Variants in CBFA2T3 observed in about 807,000 individuals in gnomAD.
The protein encoded by CBFA2T3 is transcriptional corepressor CBFA2T3.
CBFA2T3 carries 31 observed loss-of-function variants against 58.6 expected under a neutral mutation model. The ratio of observed to expected loss-of-function variants is 0.53; its 90% CI spans 0.40 to 0.71. The LOEUF (loss-of-function observed/expected upper bound fraction) is 0.71. Among genes scored for constraint, CBFA2T3 ranks in the 30% least tolerant of loss-of-function variants. The probability of loss-of-function intolerance (pLI) is 0.00; values close to 1 mark genes in which losing one functional copy is unlikely to be tolerated. For synonymous variants in CBFA2T3, 531 were observed against 421.9 expected (o/e 1.26, Z -3.17); for missense variants, 1,076 against 963.1 (o/e 1.12, Z -1.55).
rs189102389 is a variant in CBFA2T3 at position 88,881,460 on chromosome 16, C to A, written c.1233G>T (p.Glu411Asp). The A allele has an allele frequency of 7.5e-6, 12 of 1,609,638 alleles. No homozygotes were observed. Among genetic ancestry groups the A allele is most frequent in the Non-Finnish European group, 1.0e-5 (12 of 1,178,284 alleles). Reference protein sequence around the residue: ...NLLNCIMDMVEKTRRSLTVLR... With the variant: ...NLLNCIMDMVDKTRRSLTVLR... ...GCACCGTGAGCGAGCGCCGCGTCTT[C>A]TCCACCATGTCCATGATGCAGTTCA... Residue 411 changes from glutamate to aspartate, a missense_variant, in exon 9 of 12, where the codon GAG (glutamate) becomes GAT (aspartate). Coordinates refer to ENST00000268679, the MANE Select transcript of CBFA2T3 (RefSeq NM_005187.6).
intron 1 of CBFA2T3, among the ~76,000 whole-genome samples, chr16:88,952,079 A>C (rs1972088028): frequency 6.6e-6 from 1 of 152,208 alleles, no homozygotes; most frequent in Non-Finnish European, 1.5e-5. Context: ...TGTGAGATCT[A>C]AGCCGGAAGC....
intron 5 of CBFA2T3, among the ~76,000 whole-genome samples, chr16:88,891,249 C>T (rs1969618796): frequency 6.6e-6 from 1 of 152,178 alleles, no homozygotes; most frequent in African/African-American, 2.4e-5. Flanking sequence ...TCCTCAAGCA[C>T]AGCGGGCGCC....
intron 1 of CBFA2T3, among the ~76,000 whole-genome samples, chr16:88,968,620 G>A (rs972521309): frequency 1.3e-5 from 2 of 152,222 alleles, no homozygotes; most frequent in African/African-American, 4.8e-5. Context: ...TGTTGGAGGG[G>A]CAGAAGCAGC....
At chr16:88,965,524 C>T (rs1461046082) in intron 1 of CBFA2T3, among the ~76,000 whole-genome samples, 2 of 152,240 alleles carry the variant, frequency 1.3e-5, no homozygotes, top group African/African-American at 2.4e-5. Flanking sequence ...GCTTCTACAA[C>T]CCAGGGGGCT....
At chr16:88,957,912 A>G (rs1188819645) in intron 1 of CBFA2T3, 1 of 152,338 alleles carries the variant, frequency 6.6e-6, no homozygotes, top group African/African-American at 2.4e-5. Flanking sequence ...AAAACTTGTT[A>G]GCAATGATGG....
intron 1 of CBFA2T3, among the ~76,000 whole-genome samples, chr16:88,963,651 C>G (rs1972423990): frequency 6.6e-6 from 1 of 152,242 alleles, no homozygotes; most frequent in Admixed American, 6.5e-5. Context: ...TTGGCTCTTT[C>G]ACTTAGTGTG....
intron 1 of CBFA2T3, among the ~76,000 whole-genome samples, chr16:88,932,296 C>A (rs1459320180): frequency 6.6e-6 from 1 of 151,198 alleles, no homozygotes; most frequent in Non-Finnish European, 1.5e-5. Context: ...AGAGCACACA[C>A]TTCCAGGAAA....
chr16:88,911,922 A>C (rs1436965648), intron 1 of CBFA2T3, among the ~76,000 whole-genome samples: 1 of 152,262 alleles, frequency 6.6e-6, no homozygotes, highest in Non-Finnish European at 1.5e-5. Flanking sequence ...TCTGTTGCCC[A>C]GAGTTGGCTG....
intron 1 of CBFA2T3, among the ~76,000 whole-genome samples, chr16:88,970,221 G>A (rs1483322680): frequency 2.6e-5 from 4 of 152,240 alleles, no homozygotes; most frequent in Non-Finnish European, 5.9e-5. Context: ...CAGCCTTGCT[G>A]TGTGATCAGC....
In CBFA2T3 at chr16:88,876,552, G is replaced by C. The variant is rs543066326; in HGVS notation, c.*424C>G. 259 of 246,208 alleles carry C rather than the reference G, an allele frequency of 1.1e-3. No individual in the cohort carries two copies. Among genetic ancestry groups the C allele is most frequent in the African/African-American group, 5.3e-3 (242 of 45,954 alleles). The allele number at this position is 246,208 out of a possible 1,614,324, so 15.3% of individuals were successfully genotyped here. ...TGCTGAAAATATAAGCCACCAATTC[G>C]ATTTTTTCATTGAAGAGAAAGTGTG... On this transcript the variant is annotated 3_prime_UTR_variant, in exon 12 of 12. Transcript: ENST00000268679.
At chr16:88,920,513 G>A (rs935941568) in intron 1 of CBFA2T3, among the ~76,000 whole-genome samples, 3 of 150,592 alleles carry the variant, frequency 2.0e-5, no homozygotes, top group African/African-American at 7.4e-5. Context: ...TCGAACTCCT[G>A]ACCTCAAGTG....
chr16:88,939,121 G>A (rs1226303730), intron 1 of CBFA2T3: 1 of 152,224 alleles, frequency 6.6e-6, no homozygotes, highest in African/African-American at 2.4e-5. Context: ...AAAATACGTG[G>A]AGCCAAACCA....
intron 1 of CBFA2T3, among the ~76,000 whole-genome samples, chr16:88,922,492 TGCAGCACAGAGGAG>T (rs1045262521): frequency 1.3e-5 from 2 of 152,196 alleles, no homozygotes; most frequent in African/African-American, 4.8e-5. Context: ...GTCTGCCCTT[TGCAGCACAGAGGAG>T]GCAGGACCTG....
chr16:88,881,609 G>T lies in CBFA2T3; in HGVS notation c.1204-120C>A, dbSNP rs930800585. On this transcript the variant is annotated intron_variant, in intron 8 of 11. Transcript: ENST00000268679. ...GGTGCCCGACCAGCCCACCGCCCGT[G>T]AGAGTAAGGGGGTGAGGGAGGGCCC... 5.0e-6 allele frequency: 5 copies of T among 1,007,654 alleles called. No individual in the cohort carries two copies. The Admixed American group carries it at 1.0e-4, about 21-fold the overall frequency. The allele number at this position is 1,007,654 out of a possible 1,614,324, so 62.4% of individuals were successfully genotyped here.
intron 3 of CBFA2T3, among the ~76,000 whole-genome samples, chr16:88,893,949 G>A (rs1245958770): frequency 6.6e-6 from 1 of 152,166 alleles, no homozygotes; most frequent in African/African-American, 2.4e-5. Context: ...CTTGCTGACA[G>A]GGGAGGGGGA....
chr16:88,938,025 C>T (rs1032939109), intron 1 of CBFA2T3: 2 of 152,346 alleles, frequency 1.3e-5, no homozygotes, highest in African/African-American at 4.8e-5. Context: ...CCTCCCTCCC[C>T]TGCACAGCAG....
chr16:88,925,893 C>A (rs1322305696), intron 1 of CBFA2T3, among the ~76,000 whole-genome samples: 1 of 152,234 alleles, frequency 6.6e-6, no homozygotes, highest in African/African-American at 2.4e-5. Context: ...ACGCCAGACG[C>A]CATGTGAACG....
rs577881345 is a variant in CBFA2T3, at chr16:88,890,155, G to A, written c.711+1727C>T. On this transcript the variant is annotated intron_variant, in intron 5 of 11. Coordinates refer to ENST00000268679, the MANE Select transcript of CBFA2T3 (RefSeq NM_005187.6). The stretch of plus-strand genomic sequence containing the variant: ...AATCTAGAACATGCCTCACCTCCCT[G>A]TAGTCCCCGCTACCTGGGAGGCTGA... 9.6e-4 allele frequency among the ~76,000 whole-genome samples: 146 copies of A among 152,276 alleles called. 1 individual carries two copies. The highest frequency in any genetic ancestry group is 3.3e-3 in the African/African-American group (136 of 41,548).
chr16:88,924,751 G>A (rs1450141426), intron 1 of CBFA2T3, among the ~76,000 whole-genome samples: 1 of 152,202 alleles, frequency 6.6e-6, no homozygotes, highest in African/African-American at 2.4e-5. Context: ...CGGACGCGGC[G>A]GGGACAGCCA....
Sources: allele counts gnomAD v4.1 joint callset (sites outside exome capture counted in the v4.1 genomes callset), GRCh38; gene constraint gnomAD v4.1.1; transcripts MANE v1.5; gene names NCBI Gene and HGNC (gene_info 2026-07-23, HGNC 2026-07-21).